NBEA: variants seen among roughly 807,000 people sequenced by gnomAD.
The protein encoded by NBEA is lysosomal-trafficking regulator 2.
A neutral mutation model predicts 343.4 loss-of-function variants in NBEA; 44 were observed. That is an observed-to-expected ratio of 0.13 (90% CI 0.10 to 0.16). The LOEUF is 0.16. Ranked by LOEUF, NBEA falls within the 10% of genes least tolerant of loss-of-function variation. The pLI, the probability that NBEA is intolerant of heterozygous loss-of-function variation, is 1.00. For missense variants in NBEA, 2,555 were observed against 3,631.3 expected (o/e 0.70, Z 7.62); for synonymous variants, 1,175 against 1,238.7 (o/e 0.95, Z 1.08).
intron 41 of NBEA, among the ~76,000 whole-genome samples, chr13:35,491,290 C>A (rs771765464): frequency 1.1e-4 from 17 of 151,866 alleles, no homozygotes; most frequent in Non-Finnish European, 2.4e-4. Context: ...AAGGATTTTT[C>A]AAACAATACT....
In NBEA at chr13:35,164,411, G is replaced by C. The variant is rs763751077; in HGVS notation, c.4135G>C (p.Val1379Leu). ...FVNSNENIIF[V>L]HNTIHLISQM... ...CAATAGCAATGAAAATATTATTTTT[G>C]TACATAACACAATTCACCTCATTTC... Residue 1379 changes from valine to leucine, a missense_variant, in exon 24 of 59, where the codon GTA becomes CTA. Physicochemically the swap from Val to Leu is conservative, Grantham distance 32. Transcript: ENST00000379939. 6.3e-7 allele frequency: 1 copy of C among 1,597,640 alleles called. No individual in the cohort carries two copies. Among genetic ancestry groups the C allele is most frequent in the East Asian group, 2.3e-5 (1 of 44,386 alleles).
chr13:35,144,336 T>C (rs2068282361), intron 18 of NBEA, among the ~76,000 whole-genome samples: 1 of 152,192 alleles, frequency 6.6e-6, no homozygotes, highest in South Asian at 2.1e-4. Flanking sequence ...CTAGTTTTAC[T>C]CCAAATATGG....
At chr13:35,260,637 A>G (rs1390831643) in intron 34 of NBEA, among the ~76,000 whole-genome samples, 1 of 152,248 alleles carries the variant, frequency 6.6e-6, no homozygotes, top group African/African-American at 2.4e-5. Flanking sequence ...ACAGTAAAAT[A>G]GCTTGAGAAA....
chr13:35,353,413 T>G (rs1265884002), intron 38 of NBEA, among the ~76,000 whole-genome samples: 1 of 151,738 alleles, frequency 6.6e-6, no homozygotes, highest in Non-Finnish European at 1.5e-5. Flanking sequence ...CCAGCCTGGG[T>G]GACAGAGTGA....
At chr13:35,608,710 G>C (rs1177678610) in intron 48 of NBEA, among the ~76,000 whole-genome samples, 3 of 152,186 alleles carry the variant, frequency 2.0e-5, no homozygotes, top group Non-Finnish European at 4.4e-5. Context: ...GGCAAGCAAA[G>C]TAGCCAATAG....
intron 38 of NBEA, among the ~76,000 whole-genome samples, chr13:35,419,813 C>G (rs1033441881): frequency 2.0e-5 from 3 of 151,864 alleles, no homozygotes; most frequent in South Asian, 2.1e-4. Flanking sequence ...CCCAGAATAA[C>G]CTGAGGTGCA....
At chr13:35,112,881 A>G (rs182120772) in intron 13 of NBEA, among the ~76,000 whole-genome samples, 99 of 152,260 alleles carry the variant, frequency 6.5e-4, no homozygotes, top group Non-Finnish European at 1.2e-3. Context: ...AGGTAAAGGC[A>G]CTTTGTTAAA....
intron 6 of NBEA, among the ~76,000 whole-genome samples, chr13:35,052,085 G>A (rs1440975968): frequency 1.3e-5 from 2 of 152,010 alleles, no homozygotes; most frequent in Non-Finnish European, 2.9e-5. Context: ...CAGGGCCAGA[G>A]AGTGATGTGG....
intron 36 of NBEA, among the ~76,000 whole-genome samples, chr13:35,322,016 A>C (rs2038185225): frequency 6.6e-6 from 1 of 152,092 alleles, no homozygotes; most frequent in South Asian, 2.1e-4. Context: ...AAGCCAGTGG[A>C]TCTTAGCTTG....
intron 36 of NBEA, among the ~76,000 whole-genome samples, chr13:35,348,204 G>T (rs117675640): frequency 0.03 from 4,534 of 152,216 alleles, 102 homozygotes; most frequent in Non-Finnish European, 0.045. Flanking sequence ...GAAGTTAGAA[G>T]AAGCTCACTG....
At chr13:34,988,467 G>A (rs748305717) in intron 1 of NBEA, among the ~76,000 whole-genome samples, 14 of 151,100 alleles carry the variant, frequency 9.3e-5, no homozygotes, top group African/African-American at 3.4e-4. Flanking sequence ...GAGCTTTTCC[G>A]GCTGCTTTGT....
At position 35,565,170 on chromosome 13, in the gene NBEA, TTACCCACACCTATATTACA is replaced by T. The variant is rs1480487009; in HGVS notation, c.6923-1705_6923-1687del. Among the ~76,000 whole-genome samples, 15 of 152,268 alleles carry T rather than the reference TTACCCACACCTATATTACA, an allele frequency of 9.9e-5. No homozygotes were observed. The East Asian group carries it at 1.7e-3, about 18-fold the overall frequency. On this transcript the variant is annotated intron_variant, in intron 44 of 58. Coordinates refer to ENST00000379939, the MANE Select transcript of NBEA (RefSeq NM_001385012.1). ...AAGTGGAAGCAACATTCTGCTGCCA[TTACCCACACCTATATTACA>T]TACCCACACCTATATTACATACCCA...
rs1410121489 is a variant in NBEA at position 35,550,504 on chromosome 13, G to A, written c.6613G>A (p.Gly2205Arg). The A allele has an allele frequency of 6.2e-7, 1 of 1,612,578 alleles. No individual in the cohort carries two copies. Among genetic ancestry groups the A allele is most frequent in the Non-Finnish European group, 8.5e-7 (1 of 1,179,004 alleles). The change falls in exon 42 of 59, where the codon GGA becomes AGA. Residue 2205 changes from glycine to arginine, a missense_variant. By Grantham distance (125) the Gly-to-Arg change is moderately radical (BLOSUM62 -2). Transcript: ENST00000379939. ...TCTTGCATACACTGAGGGACTTCACGGAAAATGGATGTTCAGCGAGATACG... is the reference window on the plus strand; with the variant it reads ...TCTTGCATACACTGAGGGACTTCACAGAAAATGGATGTTCAGCGAGATACG... ...KVLAYTEGLH[G>R]KWMFSEIRAV...
chr13:35,603,423 T>C (rs1036961538), intron 47 of NBEA, among the ~76,000 whole-genome samples: 4 of 152,200 alleles, frequency 2.6e-5, no homozygotes, highest in Admixed American at 6.5e-5. Context: ...TGACATCCTA[T>C]GTTTCTTGCG....
intron 35 of NBEA, among the ~76,000 whole-genome samples, chr13:35,297,604 T>C (rs1038089200): frequency 6.6e-6 from 1 of 152,026 alleles, no homozygotes; most frequent in Non-Finnish European, 1.5e-5. Context: ...CTTTGCAGTT[T>C]CGTGAAGTCA....
At chr13:35,588,522 A>G (rs927751609) in intron 46 of NBEA, among the ~76,000 whole-genome samples, 1 of 152,194 alleles carries the variant, frequency 6.6e-6, no homozygotes, top group Non-Finnish European at 1.5e-5. Context: ...TAATTGCTTA[A>G]AAATGCTAAT....
chr13:35,588,259 G>A (rs776481244), intron 46 of NBEA, among the ~76,000 whole-genome samples: 1 of 152,040 alleles, frequency 6.6e-6, no homozygotes, highest in African/African-American at 2.4e-5. Context: ...CTTATGTCAC[G>A]TGGTTATAAA....
intron 1 of NBEA, among the ~76,000 whole-genome samples, chr13:34,992,218 GTATA>G (rs1295479558): frequency 0.025 from 2,737 of 109,920 alleles, 45 homozygotes; most frequent in South Asian, 0.089. Flanking sequence ...GTGTGTGTGT[GTATA>G]TGTGTGTGTG....
chr13:35,240,653 A>ATT (rs146180514), intron 34 of NBEA, among the ~76,000 whole-genome samples: 25 of 151,336 alleles, frequency 1.7e-4, no homozygotes, highest in South Asian at 4.2e-4. Flanking sequence ...CTTAAAAGAG[A>ATT]TTTTTTTTTA....
Sources: allele counts gnomAD v4.1 joint callset (sites outside exome capture counted in the v4.1 genomes callset), GRCh38; gene constraint gnomAD v4.1.1; transcripts MANE v1.5; gene names NCBI Gene and HGNC (gene_info 2026-07-23, HGNC 2026-07-21).